CASQ2: variants seen among roughly 807,000 people sequenced by gnomAD.
CASQ2 encodes the protein calsequestrin-2.
Under a neutral mutation model 46.5 loss-of-function variants are expected in CASQ2, and 49 were observed. The observed-to-expected ratio is 1.05, with a 90% CI of 0.84 to 1.34. The LOEUF (loss-of-function observed/expected upper bound fraction) is 1.34, where lower values mean the gene tolerates loss of function less well. Among genes scored for constraint, CASQ2 ranks in the 40% most tolerant of loss-of-function variants. The pLI is 0.00. For missense variants in CASQ2, 486 were observed against 481.3 expected (o/e 1.01, Z -0.09); for synonymous variants, 174 against 168.5 (o/e 1.03, Z -0.25).
intron 1 of CASQ2, among the ~76,000 whole-genome samples, chr1:115,748,045 G>T (rs1648447845): frequency 1.3e-5 from 2 of 152,004 alleles, no homozygotes; most frequent in Non-Finnish European, 2.9e-5. Flanking sequence ...ATTCTTAGAG[G>T]TTTATTCATT....
intron 1 of CASQ2, among the ~76,000 whole-genome samples, chr1:115,750,082 G>A (rs142841684): frequency 6.6e-6 from 1 of 152,336 alleles, no homozygotes; most frequent in Non-Finnish European, 1.5e-5. Context: ...GAGACACTCA[G>A]CATACTTGTG....
intron 1 of CASQ2, among the ~76,000 whole-genome samples, chr1:115,749,475 A>G (rs2101106880): frequency 6.6e-6 from 1 of 152,326 alleles, no homozygotes; most frequent in African/African-American, 2.4e-5. Flanking sequence ...GGAGAAACAG[A>G]GCAGGCAATA....
chr1:115,723,304 T>TC lies in CASQ2; in HGVS notation c.783+2203_783+2204insG, dbSNP rs1401494713. Among the ~76,000 whole-genome samples the TC allele has an allele frequency of 2.2e-3, 312 of 141,978 alleles. 2 individuals carry two copies. Among genetic ancestry groups the TC allele is most frequent in the East Asian group, 5.9e-3 (29 of 4,920 alleles). 93.1% of individuals were successfully genotyped at this position (141,978 alleles called of 152,430 possible). A position where few individuals can be genotyped will look rare whatever the true frequency, so the allele number is the denominator to read the frequency against. ...ATCTATATCTCTCTATATCTATCTA[T>TC]TTATCTATCTATCTATCTATCTATC... On this transcript the variant is annotated intron_variant, in intron 7 of 10. Transcript: ENST00000261448.
At position 115,744,825 on chromosome 1, in the gene CASQ2, T is replaced by G; in HGVS notation, c.319+3A>C. ...CATACAGTATCTCAAAAATCACACTTACCCAGTTTCTTGGCAAGCTTGGCT... is the reference window on the plus strand; with the variant it reads ...CATACAGTATCTCAAAAATCACACTGACCCAGTTTCTTGGCAAGCTTGGCT... On this transcript the variant is annotated splice_donor_region_variant and intron_variant, in intron 2 of 10. Coordinates refer to ENST00000261448, the MANE Select transcript of CASQ2 (RefSeq NM_001232.4). 5 of 1,607,098 alleles carry G rather than the reference T, an allele frequency of 3.1e-6. No individual in the cohort carries two copies. The highest frequency in any genetic ancestry group is 4.3e-6 in the Non-Finnish European group (5 of 1,173,656).
chr1:115,737,362 G>C (rs973242329), intron 4 of CASQ2, among the ~76,000 whole-genome samples: 3 of 152,124 alleles, frequency 2.0e-5, no homozygotes, highest in Non-Finnish European at 4.4e-5. Flanking sequence ...AAAGAAATGG[G>C]TTTGCAAACA....
intron 8 of CASQ2, among the ~76,000 whole-genome samples, chr1:115,714,527 A>C (rs1654639883): frequency 6.6e-6 from 1 of 152,072 alleles, no homozygotes; most frequent in Non-Finnish European, 1.5e-5. Context: ...TGGAGGTATG[A>C]TCTTCTTCCT....
At chr1:115,757,157 T>G (rs781192891) in intron 1 of CASQ2, among the ~76,000 whole-genome samples, 2 of 152,164 alleles carry the variant, frequency 1.3e-5, no homozygotes, top group Non-Finnish European at 2.9e-5. Context: ...TATAATTCCA[T>G]AGGTGAAAGG....
chr1:115,757,321 G>C (rs553076325), intron 1 of CASQ2, among the ~76,000 whole-genome samples: 1 of 152,148 alleles, frequency 6.6e-6, no homozygotes, highest in Admixed American at 6.5e-5. Context: ...AGAGAACTGC[G>C]ATTTAAAAGT....
chr1:115,736,336 A>G (rs950918201), intron 4 of CASQ2, among the ~76,000 whole-genome samples: 1 of 151,914 alleles, frequency 6.6e-6, no homozygotes, highest in Non-Finnish European at 1.5e-5. Context: ...AAAACCTAAT[A>G]TCAAAAAGCT....
chr1:115,761,990 G>C (rs1648979309), intron 1 of CASQ2, among the ~76,000 whole-genome samples: 10 of 152,220 alleles, frequency 6.6e-5, no homozygotes, highest in Admixed American at 6.5e-4. Context: ...GATGGTAGCA[G>C]AGCATCCCAA....
At chr1:115,717,651 C>T (rs149506052) in intron 8 of CASQ2, among the ~76,000 whole-genome samples, 189 bp downstream of exon 8, 149 of 152,340 alleles carry the variant, frequency 9.8e-4, no homozygotes, top group African/African-American at 3.1e-3. Flanking sequence ...TTTGTTCACA[C>T]CTTTTCTTCT....
At chr1:115,721,293 A>C (rs1439314817) in intron 7 of CASQ2, among the ~76,000 whole-genome samples, 1 of 152,164 alleles carries the variant, frequency 6.6e-6, no homozygotes, top group Non-Finnish European at 1.5e-5. Flanking sequence ...ACAGATCAGC[A>C]CTGGGTCTCC....
intron 6 of CASQ2, among the ~76,000 whole-genome samples, chr1:115,726,000 T>A (rs1647575105): frequency 6.6e-6 from 1 of 152,220 alleles, no homozygotes; most frequent in Non-Finnish European, 1.5e-5. Flanking sequence ...ACATTGAAAG[T>A]CCTTTAGGGA....
At chr1:115,763,005 T>C (rs1649015227) in intron 1 of CASQ2, among the ~76,000 whole-genome samples, 1 of 152,192 alleles carries the variant, frequency 6.6e-6, no homozygotes. Context: ...ATTTATTTAG[T>C]TGTGTTTTTG....
chr1:115,749,638 A>G (rs1404693825), intron 1 of CASQ2, among the ~76,000 whole-genome samples: 1 of 152,190 alleles, frequency 6.6e-6, no homozygotes, highest in Non-Finnish European at 1.5e-5. Flanking sequence ...CACTGCCGCC[A>G]GTCCTAGCAA....
chr1:115,719,282 C>T (rs1647288942), intron 7 of CASQ2, among the ~76,000 whole-genome samples: 1 of 152,032 alleles, frequency 6.6e-6, no homozygotes. Flanking sequence ...AAATCGACAG[C>T]AACCAGAAGG....
rs1180225779 is a variant in CASQ2, at chr1:115,738,405, G to T, written c.421-70C>A. Reference sequence around the variant, plus strand: ...TCCTTCTTCACTGGGGAAACAGAGTGCATTGGAGGGAAGTTGTAGCGGACT... The same window carrying T: ...TCCTTCTTCACTGGGGAAACAGAGTTCATTGGAGGGAAGTTGTAGCGGACT... On this transcript the variant is annotated intron_variant, in intron 3 of 10. Transcript: ENST00000261448. 6.0e-6 allele frequency: 6 copies of T among 994,416 alleles called. No homozygotes were observed. The African/African-American group carries it at 7.9e-5, about 13-fold the overall frequency. The allele number at this position is 994,416 out of a possible 1,614,324, so 61.6% of individuals were successfully genotyped here. A position where few individuals can be genotyped will look rare whatever the true frequency, so the allele number is the denominator to read the frequency against.
intron 1 of CASQ2, among the ~76,000 whole-genome samples, chr1:115,746,935 T>C (rs1235416086): frequency 6.6e-6 from 1 of 152,176 alleles, no homozygotes; most frequent in African/African-American, 2.4e-5. Context: ...ACATTCAATA[T>C]CCTAATCATT....
chr1:115,716,807 C>T (rs4240549), intron 8 of CASQ2, among the ~76,000 whole-genome samples: 2 of 152,118 alleles, frequency 1.3e-5, no homozygotes, highest in Non-Finnish European at 2.9e-5. Context: ...TAATGTAGCC[C>T]TTGTCACAAG....
Sources: gnomAD v4.1 joint callset for allele counts (sites outside exome capture counted in the v4.1 genomes callset) on GRCh38, gnomAD v4.1.1 for gene constraint, MANE v1.5 for transcripts, NCBI Gene and HGNC (gene_info 2026-07-23, HGNC 2026-07-21) for gene names.